The following FCHSD2 variants were observed in gnomAD, a reference collection of about 807,000 sequenced individuals.
FCHSD2 encodes FCH and double SH3 domains 2.
Under a neutral mutation model 108.1 loss-of-function variants are expected in FCHSD2, and 38 were observed. The ratio of observed to expected loss-of-function variants is 0.35; its 90% CI spans 0.27 to 0.46. FCHSD2 has a LOEUF of 0.46. Among genes scored for constraint, FCHSD2 ranks in the 20% least tolerant of loss-of-function variants. The probability of loss-of-function intolerance (pLI) is 1.00; values close to 1 mark genes in which losing one functional copy is unlikely to be tolerated. For synonymous variants in FCHSD2, 279 were observed against 314.7 expected (o/e 0.89, Z 1.20); for missense variants, 751 against 897.8 (o/e 0.84, Z 2.09).
chr11:72,994,659 G>A (rs1489478930), intron 5 of FCHSD2, among the ~76,000 whole-genome samples: 3 of 151,940 alleles, frequency 2.0e-5, no homozygotes, highest in South Asian at 2.1e-4. Context: ...CCAGCTACTC[G>A]GGAGGCTGAG....
chr11:73,087,475 G>A (rs2135518365), intron 2 of FCHSD2, among the ~76,000 whole-genome samples: 1 of 152,250 alleles, frequency 6.6e-6, no homozygotes, highest in East Asian at 1.9e-4. Context: ...GGAGGCCAAG[G>A]CAGGTGGATC....
Position 72,977,628 on chromosome 11 carries a change from C to T in FCHSD2, c.705+6460G>A, listed in dbSNP as rs494413. Among the ~76,000 whole-genome samples, 490 of 152,336 alleles carry T rather than the reference C, an allele frequency of 3.2e-3. 1 individual carries two copies. The highest frequency in any genetic ancestry group is 0.011 in the African/African-American group (451 of 41,570). The stretch of plus-strand genomic sequence containing the variant: ...AGTATATGTGCTGCCGAAGCGAGCA[C>T]GCTCTCACACCAGTTAGAATGGCAA... On this transcript the variant is annotated intron_variant, in intron 8 of 19. Transcript: ENST00000409418.
At chr11:73,011,753 A>G (rs1857868668) in intron 4 of FCHSD2, among the ~76,000 whole-genome samples, 1 of 152,152 alleles carries the variant, frequency 6.6e-6, no homozygotes, top group African/African-American at 2.4e-5. Flanking sequence ...AATGTGGACC[A>G]ATGGGGGTCT....
rs570870808 is a variant in FCHSD2, at chr11:72,847,709, T to C, written c.1443+2046A>G. On this transcript the variant is annotated intron_variant, in intron 14 of 19. Transcript: ENST00000409418. ...TCTAACCTTTTTTTTTTTTTTTTTT[T>C]TGAGACAGAGTCTCGCTCTGTCACC... Among the ~76,000 whole-genome samples, 88 of 150,738 alleles carry C rather than the reference T, an allele frequency of 5.8e-4. 1 individual carries two copies. In the South Asian group the frequency reaches 0.018, roughly 31 times the overall value.
At chr11:72,911,925 T>C (rs928664792) in intron 9 of FCHSD2, among the ~76,000 whole-genome samples, 1 of 152,200 alleles carries the variant, frequency 6.6e-6, no homozygotes, top group Non-Finnish European at 1.5e-5. Context: ...GTAAATGACA[T>C]TACTTTCTTG....
intron 10 of FCHSD2, among the ~76,000 whole-genome samples, chr11:72,899,555 A>G (rs1023440164): frequency 2.6e-5 from 4 of 151,996 alleles, no homozygotes; most frequent in African/African-American, 9.7e-5. Context: ...CAACATGGTG[A>G]CATCCCCTCT....
intron 2 of FCHSD2, among the ~76,000 whole-genome samples, chr11:73,122,126 T>C (rs1860747741): frequency 6.6e-6 from 1 of 152,128 alleles, no homozygotes; most frequent in Non-Finnish European, 1.5e-5. Flanking sequence ...TTTTCTCCTT[T>C]AGGTTTTCTT....
chr11:73,053,946 A>C (rs2135479430), intron 3 of FCHSD2, among the ~76,000 whole-genome samples: 1 of 152,318 alleles, frequency 6.6e-6, no homozygotes, highest in Admixed American at 6.5e-5. Flanking sequence ...TACTCATCCA[A>C]TAATTCACTT....
At chr11:72,989,416 T>C (rs1378586410) in intron 5 of FCHSD2, among the ~76,000 whole-genome samples, 1 of 152,146 alleles carries the variant, frequency 6.6e-6, no homozygotes. Flanking sequence ...GTTGGAGATA[T>C]CATGATAATA....
At chr11:72,871,538 T>G (rs144027695) in intron 12 of FCHSD2, among the ~76,000 whole-genome samples, 3 of 152,272 alleles carry the variant, frequency 2.0e-5, no homozygotes, top group Non-Finnish European at 4.4e-5. Context: ...TTACTTAACC[T>G]AAGTAAAGTT....
chr11:73,052,084 A>T (rs1055167303), intron 3 of FCHSD2, among the ~76,000 whole-genome samples: 5 of 152,208 alleles, frequency 3.3e-5, no homozygotes, highest in African/African-American at 1.2e-4. Context: ...ATTTAGTGAC[A>T]TGTTTTTAAT....
chr11:72,913,902 A>G (rs1855818576), intron 9 of FCHSD2, among the ~76,000 whole-genome samples: 3 of 152,116 alleles, frequency 2.0e-5, no homozygotes, highest in Admixed American at 2.0e-4. Context: ...AGAACTACAA[A>G]TCACTGCTGC....
chr11:73,082,335 CAAAA>C (rs750423401), intron 3 of FCHSD2, among the ~76,000 whole-genome samples: 6 of 34,458 alleles, frequency 1.7e-4, no homozygotes, highest in East Asian at 1.1e-3. Context: ...AGACTTGTCC[CAAAA>C]AAAAAAAAAA....
intron 2 of FCHSD2, among the ~76,000 whole-genome samples, chr11:73,100,475 C>A (rs953747011): frequency 6.6e-6 from 1 of 151,888 alleles, no homozygotes; most frequent in South Asian, 2.1e-4. Context: ...GCGATTCTCC[C>A]GCCTCAGCCT....
chr11:72,929,662 A>T (rs1856149445), intron 8 of FCHSD2, among the ~76,000 whole-genome samples: 3 of 152,216 alleles, frequency 2.0e-5, no homozygotes, highest in African/African-American at 7.2e-5. Context: ...ATGGTTTGTG[A>T]TTAGAAGGCA....
chr11:72,874,190 T>C (rs1854920869), intron 12 of FCHSD2, among the ~76,000 whole-genome samples: 1 of 152,242 alleles, frequency 6.6e-6, no homozygotes, highest in African/African-American at 2.4e-5. Context: ...CATTGTAGTA[T>C]GCTTTTGCTT....
At chr11:73,034,526 GA>G (rs1206863361) in intron 3 of FCHSD2, among the ~76,000 whole-genome samples, 3 of 152,142 alleles carry the variant, frequency 2.0e-5, no homozygotes, top group African/African-American at 7.2e-5. Flanking sequence ...AGGAAATAGA[GA>G]TCAAAGTTTC....
At chr11:73,071,178 C>G (rs936133823) in intron 3 of FCHSD2, among the ~76,000 whole-genome samples, 2 of 152,228 alleles carry the variant, frequency 1.3e-5, no homozygotes, top group Non-Finnish European at 2.9e-5. Flanking sequence ...CTAATACCTT[C>G]TGTCATCCTG....
intron 6 of FCHSD2, among the ~76,000 whole-genome samples, chr11:72,986,742 TG>T (rs1253371061): frequency 4.6e-5 from 7 of 152,194 alleles, no homozygotes; most frequent in African/African-American, 1.7e-4. Context: ...ATATACTTCT[TG>T]TGTAGTATTA....
Sources: gnomAD v4.1 joint callset for allele counts (sites outside exome capture counted in the v4.1 genomes callset) on GRCh38, gnomAD v4.1.1 for gene constraint, MANE v1.5 for transcripts, NCBI Gene and HGNC (gene_info 2026-07-23, HGNC 2026-07-21) for gene names.